The following KCNAB1 variants were observed in gnomAD, a reference collection of about 807,000 sequenced individuals.
The protein encoded by KCNAB1 is potassium voltage-gated channel subfamily A regulatory beta subunit 1.
KCNAB1 carries 35 observed loss-of-function variants against 64.6 expected under a neutral mutation model. The ratio of observed to expected loss-of-function variants is 0.54; its 90% confidence interval spans 0.41 to 0.72. KCNAB1 has a LOEUF of 0.72. Ranked by LOEUF, KCNAB1 falls within the 30% of genes least tolerant of loss-of-function variation. The pLI is 0.00. For synonymous variants in KCNAB1, 177 were observed against 183.8 expected (o/e 0.96, Z 0.30); for missense variants, 401 against 512.9 (o/e 0.78, Z 2.11).
At chr3:156,429,579 G>T (rs816546) in intron 2 of KCNAB1, among the ~76,000 whole-genome samples, 1 of 152,208 alleles carries the variant, frequency 6.6e-6, no homozygotes, top group Non-Finnish European at 1.5e-5. Flanking sequence ...GCTCATCTCC[G>T]TCTGCCTTAG....
chr3:156,163,337 AT>A (rs960057935), intron 1 of KCNAB1, among the ~76,000 whole-genome samples: 3 of 152,110 alleles, frequency 2.0e-5, no homozygotes, highest in African/African-American at 4.8e-5. Flanking sequence ...GTTTTATGGA[AT>A]TTTTTTTAGG....
rs112566753 is a variant in KCNAB1 at position 156,375,889 on chromosome 3, G to A, written c.276-45727G>A. ...GGCTGGAGTGCAATGGCACAATCTC[G>A]GCTCATTGCAACCATCCCCTCCTGG... is the stretch of plus-strand genomic sequence containing the variant. On this transcript the variant is annotated intron_variant, in intron 1 of 13. Coordinates refer to ENST00000490337, the MANE Select transcript of KCNAB1 (RefSeq NM_172160.3). Among the ~76,000 whole-genome samples, 357 of 85,426 alleles carry A rather than the reference G, an allele frequency of 4.2e-3. 113 individuals are homozygous for A. Among genetic ancestry groups the A allele is most frequent in the African/African-American group, 0.029 (341 of 11,580 alleles). The allele number at this position is 85,426 out of a possible 152,430, so 56.0% of individuals were successfully genotyped here. A position where few individuals can be genotyped will look rare whatever the true frequency, so the allele number is the denominator to read the frequency against.
In KCNAB1 at chr3:156,503,302, G is replaced by A. The variant is rs1716572692; in HGVS notation, c.659-11062G>A. ...GTCTAGGTGAGAAGCTGGAAAAACTGGGGGTGGTGATAAAAGAATTACAGG... is the reference window on the plus strand; with the variant it reads ...GTCTAGGTGAGAAGCTGGAAAAACTAGGGGTGGTGATAAAAGAATTACAGG... On this transcript the variant is annotated intron_variant, in intron 8 of 13. Coordinates refer to ENST00000490337, the MANE Select transcript of KCNAB1 (RefSeq NM_172160.3). Among the ~76,000 whole-genome samples the A allele has an allele frequency of 2.0e-5, 3 of 150,374 alleles. No individual in the cohort carries two copies. In the South Asian group the frequency reaches 6.2e-4, roughly 31 times the overall value.
intron 1 of KCNAB1, among the ~76,000 whole-genome samples, chr3:156,148,638 G>C (rs1242048599): frequency 6.6e-6 from 1 of 152,194 alleles, no homozygotes; most frequent in Non-Finnish European, 1.5e-5. Context: ...AAAGTGCTTG[G>C]CTCACTGCCT....
intron 8 of KCNAB1, among the ~76,000 whole-genome samples, chr3:156,500,638 A>G (rs926829974): frequency 1.3e-5 from 2 of 152,070 alleles, no homozygotes; most frequent in Non-Finnish European, 2.9e-5. Context: ...TAGGTTTATT[A>G]ATTGTTTCTG....
chr3:156,397,704 G>A (rs1050219641), intron 1 of KCNAB1, among the ~76,000 whole-genome samples: 1 of 151,934 alleles, frequency 6.6e-6, no homozygotes, highest in African/African-American at 2.4e-5. Flanking sequence ...TCAGCCCCCA[G>A]GGACCCATCC....
intron 1 of KCNAB1, among the ~76,000 whole-genome samples, chr3:156,228,697 C>T (rs1293930212): frequency 1.3e-5 from 2 of 152,184 alleles, no homozygotes; most frequent in East Asian, 1.9e-4. Flanking sequence ...GAGTTCCAGG[C>T]TTTTCTTACC....
At chr3:156,502,980 T>A (rs1367785066) in intron 8 of KCNAB1, among the ~76,000 whole-genome samples, 3 of 152,248 alleles carry the variant, frequency 2.0e-5, no homozygotes, top group East Asian at 1.9e-4. Context: ...TGAGTGTTTT[T>A]AAATGAATTA....
At chr3:156,131,019 A>G (rs76624803) in intron 1 of KCNAB1, among the ~76,000 whole-genome samples, 2,225 of 152,298 alleles carry the variant, frequency 0.015, 52 homozygotes, top group African/African-American at 0.051. Flanking sequence ...ATTTAATTCA[A>G]TTTCAGAATT....
intron 1 of KCNAB1, among the ~76,000 whole-genome samples, chr3:156,198,939 T>TTTTTTTTTTTTTC: frequency 6.9e-6 from 1 of 145,854 alleles, no homozygotes; most frequent in Non-Finnish European, 1.5e-5. Flanking sequence ...TTTTTTTTTT[T>TTTTTTTTTTTTTC]TTTTAGTGGC....
intron 1 of KCNAB1, among the ~76,000 whole-genome samples, chr3:156,216,645 T>G (rs1375942466): frequency 6.6e-6 from 1 of 152,140 alleles, no homozygotes; most frequent in Non-Finnish European, 1.5e-5. Flanking sequence ...TGGGGGAAGA[T>G]AGGGTGGGAT....
chr3:156,411,230 T>C (rs1473668027), intron 1 of KCNAB1, among the ~76,000 whole-genome samples: 2 of 152,176 alleles, frequency 1.3e-5, no homozygotes, highest in African/African-American at 4.8e-5. Context: ...TGCCATCAAA[T>C]GTCTTCTTTG....
rs1445205249 is a variant in KCNAB1 at position 156,508,354 on chromosome 3, C to T, written c.659-6010C>T. ...TTACCCCTATGGCTTATTGTTCATGCAGTACAACTATTTGCTTACAACTTT... is the reference window on the plus strand; with the variant it reads ...TTACCCCTATGGCTTATTGTTCATGTAGTACAACTATTTGCTTACAACTTT... On this transcript the variant is annotated intron_variant, in intron 8 of 13. Transcript: ENST00000490337. This position sits in a 1 kb window ranked among gnomAD's most constrained non-coding sequence, Gnocchi z 4.1. 1.3e-5 allele frequency among the ~76,000 whole-genome samples: 2 copies of T among 152,102 alleles called. No individual in the cohort carries two copies. The highest frequency in any genetic ancestry group is 4.8e-5 in the African/African-American group (2 of 41,400).
chr3:156,248,704 G>A (rs115747154), intron 1 of KCNAB1, among the ~76,000 whole-genome samples: 269 of 152,218 alleles, frequency 1.8e-3, no homozygotes, highest in African/African-American at 6.1e-3. Context: ...TTGACTTTAC[G>A]GTTTTAGAAA....
intron 1 of KCNAB1, among the ~76,000 whole-genome samples, chr3:156,233,841 A>G (rs1412006898): frequency 6.6e-6 from 1 of 152,054 alleles, no homozygotes; most frequent in African/African-American, 2.4e-5. Flanking sequence ...TTTGGAACCT[A>G]ACATGCTGGA....
intron 1 of KCNAB1, among the ~76,000 whole-genome samples, chr3:156,344,843 G>A (rs1261500455): frequency 3.3e-5 from 5 of 152,132 alleles, no homozygotes; most frequent in African/African-American, 1.2e-4. Context: ...CCTATCTCCA[G>A]GAAAATGGAA....
At chr3:156,510,084 G>A (rs1414071646) in intron 8 of KCNAB1, among the ~76,000 whole-genome samples, 1 of 152,158 alleles carries the variant, frequency 6.6e-6, no homozygotes, top group African/African-American at 2.4e-5. Context: ...TGATGTTGCA[G>A]CCTCCTTCCA....
At chr3:156,192,385 T>C (rs4680241) in intron 1 of KCNAB1, among the ~76,000 whole-genome samples, 8,018 of 152,278 alleles carry the variant, frequency 0.053, 310 homozygotes, top group Middle Eastern at 0.1. Flanking sequence ...TTTTAAAAGT[T>C]TATTGAGACT....
intron 1 of KCNAB1, among the ~76,000 whole-genome samples, chr3:156,184,702 A>C (rs13086539): frequency 0.12 from 18,508 of 152,234 alleles, 1,289 homozygotes; most frequent in Non-Finnish European, 0.15. Context: ...AGGACCATCA[A>C]AATATCTTTC....
Sources: allele counts gnomAD v4.1 joint callset (sites outside exome capture counted in the v4.1 genomes callset), GRCh38; gene constraint gnomAD v4.1.1; non-coding constraint Gnocchi (gnomAD v3.1); transcripts MANE v1.5; gene names NCBI Gene and HGNC (gene_info 2026-07-23, HGNC 2026-07-21).